Variants in DNAH11 observed in about 807,000 individuals in gnomAD.
The protein encoded by DNAH11 is axonemal beta dynein heavy chain 11.
DNAH11 carries 442 observed loss-of-function variants against 526.0 expected under a neutral mutation model. The observed-to-expected ratio is 0.84, with a 90% confidence interval of 0.78 to 0.91. The LOEUF is 0.91. DNAH11 is among the 40% of genes least tolerant of loss of function. The probability of loss-of-function intolerance (pLI) is 0.00; values close to 1 mark genes in which losing one functional copy is unlikely to be tolerated. For missense variants in DNAH11, 6,989 were observed against 5,448.7 expected (o/e 1.28, Z -8.90); for synonymous variants, 2,461 against 1,935.9 (o/e 1.27, Z -7.12).
chr7:21,660,766 ATTAT>A (rs961314117), intron 30 of DNAH11, among the ~76,000 whole-genome samples: 5 of 151,994 alleles, frequency 3.3e-5, no homozygotes, highest in Non-Finnish European at 5.9e-5. Context: ...TATAAGTGTA[ATTAT>A]TTATGTAGCT....
intron 30 of DNAH11, among the ~76,000 whole-genome samples, chr7:21,666,250 C>G (rs922892385): frequency 1.5e-4 from 22 of 151,608 alleles, no homozygotes; most frequent in Admixed American, 9.8e-4. Flanking sequence ...GAATATATAT[C>G]GCTGCCTTGT....
Position 21,687,143 on chromosome 7 carries a change from G to A in DNAH11, c.5666G>A (p.Gly1889Glu). The A allele has an allele frequency of 6.2e-7, 1 of 1,613,224 alleles. No individual in the cohort carries two copies. Among genetic ancestry groups the A allele is most frequent in the Non-Finnish European group, 8.5e-7 (1 of 1,179,622 alleles). Residue 1889 changes from glycine (G) to glutamate (E), a missense_variant, in exon 33 of 82, where the codon GGG (glycine) becomes GAG (glutamate). By Grantham distance (98) the Gly-to-Glu change is moderately conservative. Coordinates refer to ENST00000409508, the MANE Select transcript of DNAH11 (RefSeq NM_001277115.2). ...LTQSLHLTMS[G>E]APAGPAGTGK... ...CAATCACTTCATCTAACCATGAGTG[G>A]GGCTCCTGCTGGCCCAGCTGGTACC...
intron 35 of DNAH11, among the ~76,000 whole-genome samples, chr7:21,693,536 C>A (rs1783716594): frequency 6.6e-6 from 1 of 152,096 alleles, no homozygotes; most frequent in Non-Finnish European, 1.5e-5. Context: ...TGTAGAATTG[C>A]TATTATTTAC....
At chr7:21,596,930 G>C (rs1448359155) in intron 14 of DNAH11, among the ~76,000 whole-genome samples, 1 of 152,158 alleles carries the variant, frequency 6.6e-6, no homozygotes, top group Non-Finnish European at 1.5e-5. Context: ...TTTTCCTCTT[G>C]ACTTAGCACG....
intron 45 of DNAH11, 132 bp downstream of exon 45, chr7:21,726,116 A>G (rs957020434): frequency 1.1e-6 from 1 of 945,794 alleles, no homozygotes. Context: ...AGGAAGCATG[A>G]TGCTGGCATC....
At chr7:21,697,223 G>A (rs1783894851) in intron 35 of DNAH11, among the ~76,000 whole-genome samples, 1 of 152,054 alleles carries the variant, frequency 6.6e-6, no homozygotes, top group East Asian at 1.9e-4. Context: ...CAGTTGAGTG[G>A]AATTTTTTCA....
Position 21,638,989 on chromosome 7 carries a change from T to C in DNAH11, c.4868T>C (p.Ile1623Thr), listed in dbSNP as rs113948334. The change falls in exon 28 of 82, where the codon ATA (isoleucine) becomes ACA (threonine). Residue 1623 changes from isoleucine (I) to threonine (T), a missense_variant. By Grantham distance (89) the Ile-to-Thr change is moderately conservative (BLOSUM62 -1). Transcript: ENST00000409508. The stretch of plus-strand genomic sequence containing the variant: ...GCTGAATACCTGGAAACCAAGCGCA[T>C]AGCCTTTCCTCGCTTCTATTTCGTC... The part of the protein sequence containing the change: ...ALAEYLETKR[I>T]AFPRFYFVSS... 142 of 1,613,776 alleles carry C rather than the reference T, an allele frequency of 8.8e-5. 1 individual carries two copies. The African/African-American group carries it at 1.5e-3, about 17-fold the overall frequency.
rs992691062 is a variant in DNAH11 at position 21,794,141 on chromosome 7, T to C, written c.10026+4799T>C. Among the ~76,000 whole-genome samples, 10 of 152,238 alleles carry C rather than the reference T, an allele frequency of 6.6e-5. 1 individual carries two copies. Among genetic ancestry groups the C allele is most frequent in the Admixed American group, 5.9e-4 (9 of 15,286 alleles). On this transcript the variant is annotated intron_variant, in intron 61 of 81. Coordinates refer to ENST00000409508, the MANE Select transcript of DNAH11 (RefSeq NM_001277115.2). ...ATCTCTTAAACTTCTGATAAATTTC[T>C]GAATTGCTTTTCTGTATTATCTTGG... is the stretch of plus-strand genomic sequence containing the variant.
chr7:21,750,114 C>A (rs116343842), intron 53 of DNAH11, 108 bp from the exon 54 acceptor site: 4 of 1,351,386 alleles, frequency 3.0e-6, no homozygotes, highest in South Asian at 3.1e-5. Flanking sequence ...TAAACTCTTA[C>A]CATTTATGCT....
chr7:21,605,633 A>G (rs936357923), intron 18 of DNAH11, among the ~76,000 whole-genome samples: 1 of 152,196 alleles, frequency 6.6e-6, no homozygotes, highest in African/African-American at 2.4e-5. Context: ...GAATGTACAG[A>G]GCTTTGGGAG....
chr7:21,819,456 C>G (rs1320299094), intron 65 of DNAH11, among the ~76,000 whole-genome samples: 1 of 152,158 alleles, frequency 6.6e-6, no homozygotes, highest in Non-Finnish European at 1.5e-5. Flanking sequence ...TCTAACAAGC[C>G]ACTTGACAAA....
intron 23 of DNAH11, chr7:21,618,424 C>G (rs183522704): frequency 6.6e-6 from 1 of 152,634 alleles, no homozygotes; most frequent in East Asian, 1.9e-4. Context: ...TTCCTGCAAC[C>G]CATATGGCTG....
Position 21,735,624 on chromosome 7 carries a change from C to T in DNAH11, c.7441-16C>T. On this transcript the variant is annotated splice_polypyrimidine_tract_variant and intron_variant, in intron 45 of 81. Coordinates refer to ENST00000409508, the MANE Select transcript of DNAH11 (RefSeq NM_001277115.2). ...CTCTCTTTCTGATCTTTGTCTCATT[C>T]TGTTTCTCCTCCCAGACAGTTCTCG... 4 of 1,561,184 alleles carry T rather than the reference C, an allele frequency of 2.6e-6. No homozygotes were observed. Among genetic ancestry groups the T allele is most frequent in the Non-Finnish European group, 3.5e-6 (4 of 1,151,058 alleles).
intron 28 of DNAH11, among the ~76,000 whole-genome samples, chr7:21,647,451 A>G (rs1402555242): frequency 7.8e-6 from 1 of 128,134 alleles, no homozygotes; most frequent in Non-Finnish European, 1.6e-5. Flanking sequence ...TTTTTTTGAG[A>G]CAGAGTCTTA....
In DNAH11 at chr7:21,601,517, C is replaced by CA; in HGVS notation, c.3548dup (p.Arg1184GlufsTer4). On this transcript the variant is annotated frameshift_variant, in exon 18 of 82. Transcript: ENST00000409508. LOFTEE classifies it high-confidence loss of function. ...GCATCTTCTGGCTGTAAGAAGCCGA[C>CA]AGAGAGCTACTGATGAACTCTTTGA... 1 of 1,613,694 alleles carries CA rather than the reference C, an allele frequency of 6.2e-7. No individual in the cohort carries two copies. The highest frequency in any genetic ancestry group is 8.5e-7 in the Non-Finnish European group (1 of 1,179,768).
chr7:21,653,162 C>T (rs1383126319), intron 28 of DNAH11, among the ~76,000 whole-genome samples: 1 of 152,188 alleles, frequency 6.6e-6, no homozygotes, highest in Non-Finnish European at 1.5e-5. Flanking sequence ...AGGTATGAGC[C>T]ACTGCACCCA....
chr7:21,558,668 C>A, intron 2 of DNAH11, 134 bp from the exon 3 acceptor site: 1 of 660,522 alleles, frequency 1.5e-6, no homozygotes, highest in Non-Finnish European at 2.5e-6. Flanking sequence ...CTGACTTTAT[C>A]CTCTCTTTGT....
chr7:21,785,302 A>G (rs961524), intron 58 of DNAH11, among the ~76,000 whole-genome samples: 107,466 of 152,098 alleles, frequency 0.71, 38,789 homozygotes, highest in Non-Finnish European at 0.77. Flanking sequence ...TTTGACTGTG[A>G]CTAAGGAGAT....
intron 31 of DNAH11, among the ~76,000 whole-genome samples, chr7:21,683,564 T>C (rs748218242): frequency 3.5e-4 from 53 of 152,234 alleles, no homozygotes; most frequent in Non-Finnish European, 6.8e-4. Flanking sequence ...GAAATTCATA[T>C]TGTTTTACAT....
Sources: allele counts gnomAD v4.1 joint callset (sites outside exome capture counted in the v4.1 genomes callset), GRCh38; gene constraint gnomAD v4.1.1; transcripts MANE v1.5; gene names NCBI Gene and HGNC (gene_info 2026-07-23, HGNC 2026-07-21).